The following EML1 variants were observed in gnomAD, a reference collection of about 807,000 sequenced individuals.
The protein encoded by EML1 is echinoderm microtubule-associated protein-like 1.
In EML1, 27 loss-of-function variants were observed where a neutral mutation model predicts 110.4. The ratio of observed to expected loss-of-function variants is 0.24; its 90% CI spans 0.18 to 0.34. EML1 has a LOEUF of 0.34. EML1 is among the 10% of genes least tolerant of loss of function. EML1 has a pLI of 1.00. For missense variants in EML1, 741 were observed against 1,030.9 expected (o/e 0.72, Z 3.85); for synonymous variants, 344 against 385.8 (o/e 0.89, Z 1.27).
intron 4 of EML1, among the ~76,000 whole-genome samples, chr14:99,884,283 G>A (rs2059437481): frequency 6.6e-6 from 1 of 152,174 alleles, no homozygotes; most frequent in South Asian, 2.1e-4. Flanking sequence ...GAATTCCCCA[G>A]CGCCTGTTTC....
intron 1 of EML1, among the ~76,000 whole-genome samples, chr14:99,806,015 T>C (rs971038818): frequency 6.6e-6 from 1 of 152,230 alleles, no homozygotes; most frequent in African/African-American, 2.4e-5. Flanking sequence ...TTCTTGTCTC[T>C]GTGCATTTGA....
At chr14:99,765,221 G>A (rs1044356552) in intron 1 of EML1, among the ~76,000 whole-genome samples, 1 of 151,862 alleles carries the variant, frequency 6.6e-6, no homozygotes, top group Non-Finnish European at 1.5e-5. Flanking sequence ...GATTACAGGC[G>A]TGTAAGATAG....
intron 1 of EML1, among the ~76,000 whole-genome samples, chr14:99,838,776 C>T (rs1398662631): frequency 1.3e-5 from 2 of 152,124 alleles, no homozygotes; most frequent in African/African-American, 2.4e-5. Context: ...TTATTTTCTG[C>T]TCAGCTGCAG....
At chr14:99,894,460 T>C (rs1183424183) in intron 5 of EML1, 169 bp from the exon 6 acceptor site, 1 of 806,402 alleles carries the variant, frequency 1.2e-6, no homozygotes, top group East Asian at 3.4e-5. Flanking sequence ...TGCAAACTTT[T>C]GTTTCAAACT....
chr14:99,813,299 A>G (rs1449193960), intron 1 of EML1, among the ~76,000 whole-genome samples: 1 of 152,228 alleles, frequency 6.6e-6, no homozygotes, highest in East Asian at 1.9e-4. Context: ...CTTTTTAATC[A>G]TTATCTTCAA....
intron 4 of EML1, among the ~76,000 whole-genome samples, chr14:99,888,624 A>G (rs1425207939): frequency 6.6e-6 from 1 of 152,232 alleles, no homozygotes; most frequent in Non-Finnish European, 1.5e-5. Flanking sequence ...ACAGAAAATG[A>G]CAAGAATGTC....
At chr14:99,824,132 A>AT (rs1470479920) in intron 1 of EML1, among the ~76,000 whole-genome samples, 5 of 151,592 alleles carry the variant, frequency 3.3e-5, no homozygotes, top group Non-Finnish European at 5.9e-5. Flanking sequence ...AATTTTTTGT[A>AT]TTTTTTTAGT....
intron 3 of EML1, among the ~76,000 whole-genome samples, chr14:99,871,106 A>G (rs1254751603): frequency 1.3e-5 from 2 of 152,158 alleles, no homozygotes; most frequent in East Asian, 3.9e-4. Flanking sequence ...ACAGGCGCAC[A>G]CCACCATATC....
chr14:99,884,850 G>A (rs948310392), intron 4 of EML1, among the ~76,000 whole-genome samples: 5 of 152,202 alleles, frequency 3.3e-5, no homozygotes, highest in African/African-American at 1.2e-4. Context: ...CTGGAACTGG[G>A]GGTGGGGGCA....
At position 99,878,628 on chromosome 14, in the gene EML1, G is replaced by A. The variant is rs11846839; in HGVS notation, c.518+9G>A. 3,257 of 1,611,242 alleles carry A rather than the reference G, an allele frequency of 2.0e-3. 63 individuals are homozygous for A. The African/African-American group carries it at 0.039, about 19-fold the overall frequency. ...AAAAAGAACAGTGAAAGGTAAGGAC[G>A]TCTTATCTCTCAGTTCCTGCTGTTC... On this transcript the variant is annotated intron_variant, in intron 4 of 21. Transcript: ENST00000262233.
At chr14:99,786,612 C>T (rs2057603244) in intron 1 of EML1, among the ~76,000 whole-genome samples, 2 of 152,184 alleles carry the variant, frequency 1.3e-5, no homozygotes, top group South Asian at 4.1e-4. Flanking sequence ...AGGACTAGGG[C>T]ACAGCACTGG....
At chr14:99,884,657 G>A (rs911038147) in intron 4 of EML1, among the ~76,000 whole-genome samples, 2 of 152,140 alleles carry the variant, frequency 1.3e-5, no homozygotes, top group Non-Finnish European at 2.9e-5. Flanking sequence ...TTAAAGACAT[G>A]CCGATCTAAG....
intron 1 of EML1, among the ~76,000 whole-genome samples, chr14:99,807,366 G>A (rs2057995660): frequency 6.6e-6 from 1 of 152,216 alleles, no homozygotes; most frequent in Non-Finnish European, 1.5e-5. Flanking sequence ...CTAACAAGGA[G>A]AGCTGGCTGC....
At position 99,940,344 on chromosome 14, in the gene EML1, G is replaced by C. The variant is rs1176726798; in HGVS notation, c.*232G>C. The C allele has an allele frequency of 7.8e-6, 3 of 384,194 alleles. No homozygotes were observed. Among genetic ancestry groups the C allele is most frequent in the Non-Finnish European group, 1.3e-5 (3 of 226,432 alleles). The allele number at this position is 384,194 out of a possible 1,614,324, so 23.8% of individuals were successfully genotyped here. A position where few individuals can be genotyped will look rare whatever the true frequency, so the allele number is the denominator to read the frequency against. On this transcript the variant is annotated 3_prime_UTR_variant, in exon 22 of 22. Transcript: ENST00000262233. ...CACAGTGCACATTGAATACCAACAAGGTTGCAACGTTTACATTATAGCCAC... is the reference window on the plus strand; with the variant it reads ...CACAGTGCACATTGAATACCAACAACGTTGCAACGTTTACATTATAGCCAC...
intron 1 of EML1, among the ~76,000 whole-genome samples, chr14:99,836,520 G>A (rs2058543461): frequency 6.6e-6 from 1 of 151,960 alleles, no homozygotes; most frequent in Non-Finnish European, 1.5e-5. Context: ...TTGACTTTTT[G>A]CACTAGCTAG....
chr14:99,738,433 G>A (rs1374313186), intron 1 of EML1, among the ~76,000 whole-genome samples: 1 of 152,242 alleles, frequency 6.6e-6, no homozygotes, highest in Non-Finnish European at 1.5e-5. Context: ...TGCTCTGCCT[G>A]AGGCCAGAGG....
intron 1 of EML1, among the ~76,000 whole-genome samples, chr14:99,845,950 T>A (rs1478534925): frequency 1.3e-5 from 2 of 150,148 alleles, no homozygotes; most frequent in Admixed American, 6.7e-5. Context: ...CTCAGGAGGC[T>A]GAGGCAGGAG....
intron 4 of EML1, among the ~76,000 whole-genome samples, chr14:99,881,092 G>T (rs1433867405): frequency 6.6e-6 from 1 of 152,312 alleles, no homozygotes; most frequent in South Asian, 2.1e-4. Flanking sequence ...CTTAAATAAG[G>T]CATCGGGCGG....
At chr14:99,818,652 T>G (rs919080689) in intron 1 of EML1, among the ~76,000 whole-genome samples, 6 of 152,108 alleles carry the variant, frequency 3.9e-5, no homozygotes, top group African/African-American at 1.4e-4. Context: ...GAGCTGGAGC[T>G]TGAGAGGGTT....
Sources: allele counts gnomAD v4.1 joint callset (sites outside exome capture counted in the v4.1 genomes callset), GRCh38; gene constraint gnomAD v4.1.1; transcripts MANE v1.5; gene names NCBI Gene and HGNC (gene_info 2026-07-23, HGNC 2026-07-21).